Variants in MCPH1 observed in about 807,000 individuals in gnomAD.
MCPH1 encodes the protein microcephalin.
A neutral mutation model predicts 84.5 loss-of-function variants in MCPH1; 104 were observed. The observed-to-expected ratio is 1.23, with a 90% CI of 1.05 to 1.45. The LOEUF is 1.45. MCPH1 is among the 40% of genes most tolerant of loss of function. The pLI is 0.00. For synonymous variants in MCPH1, 514 were observed against 366.8 expected (o/e 1.40, Z -4.58); for missense variants, 1,498 against 1,005.7 (o/e 1.49, Z -6.62).
intron 12 of MCPH1, among the ~76,000 whole-genome samples, chr8:6,587,945 C>T (rs1267449049): frequency 6.6e-6 from 1 of 152,216 alleles, no homozygotes; most frequent in African/African-American, 2.4e-5. Context: ...GATTCCAATG[C>T]AGAGTCCTTA....
At chr8:6,441,457 G>C (rs1803499476) in intron 6 of MCPH1, among the ~76,000 whole-genome samples, 1 of 151,892 alleles carries the variant, frequency 6.6e-6, no homozygotes, top group African/African-American at 2.4e-5. Context: ...AAATATCTTT[G>C]GATATAAGAT....
rs1252491586 is a variant in MCPH1 at position 6,594,451 on chromosome 8, G to A, written c.2215-27003G>A. ...GCTAATCTTTCCAAAACACTCATTC[G>A]TGGGCCCTCATAGAAGCTCCTAGGG... is the stretch of plus-strand genomic sequence containing the variant. On this transcript the variant is annotated intron_variant, in intron 12 of 13. Transcript: ENST00000344683. Among the ~76,000 whole-genome samples the A allele has an allele frequency of 3.3e-5, 5 of 152,154 alleles. No individual in the cohort carries two copies. In the South Asian group the frequency reaches 6.2e-4, roughly 19 times the overall value.
At chr8:6,593,919 GA>G (rs1051362390) in intron 12 of MCPH1, among the ~76,000 whole-genome samples, 2 of 152,148 alleles carry the variant, frequency 1.3e-5, no homozygotes, top group African/African-American at 4.8e-5. Context: ...CCATCAGAAG[GA>G]CCCCCGCTGG....
At chr8:6,429,000 G>A (rs757441636) in intron 3 of MCPH1, among the ~76,000 whole-genome samples, 7 of 152,094 alleles carry the variant, frequency 4.6e-5, no homozygotes, top group Non-Finnish European at 7.4e-5. Context: ...TGAGAATTTC[G>A]TTTTTAATCC....
At chr8:6,517,275 C>G (rs542230509) in intron 12 of MCPH1, among the ~76,000 whole-genome samples, 1 of 152,290 alleles carries the variant, frequency 6.6e-6, no homozygotes, top group African/African-American at 2.4e-5. Flanking sequence ...TGATATCTTT[C>G]TATAAAGCTT....
chr8:6,529,997 A>T lies in MCPH1; in HGVS notation c.2214+30068A>T, dbSNP rs57754223. Among the ~76,000 whole-genome samples, 732 of 151,830 alleles carry T rather than the reference A, an allele frequency of 4.8e-3. 5 individuals carry two copies. Among genetic ancestry groups the T allele is most frequent in the African/African-American group, 0.016 (645 of 41,424 alleles). ...TGCTCTGTCCTAACACTTTTTCATT[A>T]CTATTATTATTTTTTATTTTTTTAA... On this transcript the variant is annotated intron_variant, in intron 12 of 13. Coordinates refer to ENST00000344683, the MANE Select transcript of MCPH1 (RefSeq NM_024596.5).
Position 6,505,383 on chromosome 8 carries a change from TTCTA to T in MCPH1, c.2214+5456_2214+5459del, listed in dbSNP as rs1377192810. 2.0e-4 allele frequency among the ~76,000 whole-genome samples: 12 copies of T among 61,196 alleles called. 1 individual carries two copies. The highest frequency in any genetic ancestry group is 6.1e-4 in the African/African-American group (10 of 16,336). The allele number at this position is 61,196 out of a possible 152,430, so 40.1% of individuals were successfully genotyped here. On this transcript the variant is annotated intron_variant, in intron 12 of 13. Coordinates refer to ENST00000344683, the MANE Select transcript of MCPH1 (RefSeq NM_024596.5). ...TATGTATATAGAATATATATATTCT[TTCTA>T]TATGTATATAGAATATATATATTCT... is the stretch of plus-strand genomic sequence containing the variant.
At chr8:6,492,828 G>T (rs1303645684) in intron 11 of MCPH1, among the ~76,000 whole-genome samples, 1 of 151,358 alleles carries the variant, frequency 6.6e-6, no homozygotes, top group Non-Finnish European at 1.5e-5. Flanking sequence ...AACTGATAAG[G>T]ATTATTGTTA....
At chr8:6,561,280 A>G (rs1027673525) in intron 12 of MCPH1, among the ~76,000 whole-genome samples, 1 of 152,256 alleles carries the variant, frequency 6.6e-6, no homozygotes, top group Admixed American at 6.5e-5. Flanking sequence ...TTTATGTCAC[A>G]TGAAATCTAC....
chr8:6,468,943 A>G (rs1177581076), intron 9 of MCPH1, among the ~76,000 whole-genome samples: 2 of 152,100 alleles, frequency 1.3e-5, no homozygotes, highest in African/African-American at 2.4e-5. Flanking sequence ...AATCCCAGCA[A>G]TTTGGGAGGC....
At chr8:6,563,570 A>T (rs1310425971) in intron 12 of MCPH1, among the ~76,000 whole-genome samples, 1 of 152,246 alleles carries the variant, frequency 6.6e-6, no homozygotes, top group African/African-American at 2.4e-5. Flanking sequence ...TATCTGAGGT[A>T]ATAACTTTAA....
chr8:6,416,227 T>A (rs571500149), intron 3 of MCPH1, among the ~76,000 whole-genome samples: 1 of 152,240 alleles, frequency 6.6e-6, no homozygotes, highest in Non-Finnish European at 1.5e-5. Flanking sequence ...TGTGTAATTT[T>A]GTAAATAGAG....
At chr8:6,436,588 T>C (rs1197687616) in intron 5 of MCPH1, among the ~76,000 whole-genome samples, 2 of 151,926 alleles carry the variant, frequency 1.3e-5, no homozygotes, top group East Asian at 1.9e-4. Flanking sequence ...GAAAATACTT[T>C]AGAATATTAT....
chr8:6,432,976 G>A (rs1435534027), intron 4 of MCPH1, among the ~76,000 whole-genome samples: 2 of 152,132 alleles, frequency 1.3e-5, no homozygotes, highest in Admixed American at 6.5e-5. Context: ...AGTATCCTAG[G>A]TGGCATTTCT....
rs762538004 is a variant in MCPH1 at position 6,455,234 on chromosome 8, A to C, written c.1917A>C (p.Lys639Asn). The C allele has an allele frequency of 3.7e-6, 6 of 1,613,372 alleles. No individual in the cohort carries two copies. In the African/African-American group the frequency reaches 8.0e-5, roughly 22 times the overall value. The change falls in exon 9 of 14, where the codon AAA (lysine) becomes AAC (asparagine). Residue 639 changes from lysine to asparagine, a missense_variant. Physicochemically the swap from Lys to Asn is moderately conservative, Grantham distance 94. Transcript: ENST00000344683. ...DLIKPHEELK[K>N]SGRGKKPTRT... ...TCAAACCTCATGAGGAATTGAAGAA[A>C]AGTGGGAGAGGCAAAAAGGTCAGTG...
At chr8:6,602,410 GAC>G (rs1174412103) in intron 12 of MCPH1, among the ~76,000 whole-genome samples, 2 of 152,156 alleles carry the variant, frequency 1.3e-5, no homozygotes, top group African/African-American at 4.8e-5. Flanking sequence ...GTGTCCGCAG[GAC>G]ACCTGAGCCT....
chr8:6,553,319 G>A (rs1244092504), intron 12 of MCPH1, among the ~76,000 whole-genome samples: 1 of 152,086 alleles, frequency 6.6e-6, no homozygotes, highest in Non-Finnish European at 1.5e-5. Context: ...AACAAGTAAA[G>A]CAACAACAAC....
chr8:6,444,803 C>G lies in MCPH1; in HGVS notation c.1081C>G (p.His361Asp). The change falls in exon 8 of 14, where the codon CAT (histidine) becomes GAT (aspartate). Residue 361 changes from histidine to aspartate, a missense_variant. Transcript: ENST00000344683. ...CTCAGTAAAGAGAAAAAGAGTATCA[C>G]ATGGCTCCCATTCACCTCCGAAGGA... is the stretch of plus-strand genomic sequence containing the variant. ...SSSVKRKRVS[H>D]GSHSPPKEKC... 1 of 1,614,084 alleles carries G rather than the reference C, an allele frequency of 6.2e-7. No homozygotes were observed. Among genetic ancestry groups the G allele is most frequent in the Non-Finnish European group, 8.5e-7 (1 of 1,179,986 alleles).
intron 1 of MCPH1, among the ~76,000 whole-genome samples, chr8:6,407,377 C>T (rs188638236): frequency 5.8e-4 from 88 of 152,174 alleles, no homozygotes; most frequent in African/African-American, 2.1e-3. Flanking sequence ...GAAACTAAGG[C>T]ATCGGACGTT....
Sources: gnomAD v4.1 joint callset for allele counts (sites outside exome capture counted in the v4.1 genomes callset) on GRCh38, gnomAD v4.1.1 for gene constraint, MANE v1.5 for transcripts, NCBI Gene and HGNC (gene_info 2026-07-23, HGNC 2026-07-21) for gene names.